The following PRUNE2 variants were observed in gnomAD, a reference collection of about 807,000 sequenced individuals.
The protein encoded by PRUNE2 is prune homolog 2 with BCH domain.
Under a neutral mutation model 252.0 loss-of-function variants are expected in PRUNE2, and 164 were observed. The observed-to-expected ratio is 0.65, with a 90% CI of 0.57 to 0.74. The LOEUF (loss-of-function observed/expected upper bound fraction) is 0.74. PRUNE2 is among the 30% of genes least tolerant of loss of function. PRUNE2 has a pLI of 0.00. For missense variants in PRUNE2, 3,495 were observed against 3,711.0 expected (o/e 0.94, Z 1.51); for synonymous variants, 1,292 against 1,350.2 (o/e 0.96, Z 0.94).
chr9:76,620,853 T>C (rs1381057073), intron 17 of PRUNE2, among the ~76,000 whole-genome samples: 5 of 152,210 alleles, frequency 3.3e-5, no homozygotes, highest in African/African-American at 1.2e-4. Context: ...AAACAGCAAT[T>C]TGCAAACCCT....
intron 6 of PRUNE2, among the ~76,000 whole-genome samples, chr9:76,814,478 C>A (rs943855994): frequency 8.5e-5 from 13 of 152,156 alleles, no homozygotes; most frequent in African/African-American, 3.1e-4. Context: ...GAGCAAGAAC[C>A]CCTCAGCCAA....
chr9:76,790,418 G>C (rs188266488), intron 6 of PRUNE2, among the ~76,000 whole-genome samples: 21 of 152,276 alleles, frequency 1.4e-4, no homozygotes, highest in African/African-American at 4.6e-4. Flanking sequence ...TAAAACATAA[G>C]AACATATAAT....
chr9:76,616,535 C>T (rs1829783739), intron 18 of PRUNE2, among the ~76,000 whole-genome samples: 1 of 152,166 alleles, frequency 6.6e-6, no homozygotes, highest in Admixed American at 6.5e-5. Flanking sequence ...CACCATCGGG[C>T]CCCTGAGCTA....
chr9:76,753,810 C>T (rs1259691861), intron 6 of PRUNE2, among the ~76,000 whole-genome samples: 1 of 151,592 alleles, frequency 6.6e-6, no homozygotes, highest in Non-Finnish European at 1.5e-5. Context: ...CCCAGCTACT[C>T]GGGAGGCTGA....
At chr9:76,714,729 A>G (rs2047004435) in intron 6 of PRUNE2, among the ~76,000 whole-genome samples, 1 of 152,226 alleles carries the variant, frequency 6.6e-6, no homozygotes, top group African/African-American at 2.4e-5. Flanking sequence ...AATGAGAGCC[A>G]CTTTCTCTGT....
intron 1 of PRUNE2, among the ~76,000 whole-genome samples, chr9:76,882,330 A>G (rs1055244452): frequency 6.6e-6 from 1 of 152,348 alleles, no homozygotes; most frequent in African/African-American, 2.4e-5. Context: ...CCAAGCATGT[A>G]AAGTGCTTAG....
chr9:76,728,455 T>C (rs552413587), intron 6 of PRUNE2, among the ~76,000 whole-genome samples: 46 of 152,316 alleles, frequency 3.0e-4, no homozygotes, highest in African/African-American at 9.6e-4. Flanking sequence ...AGGAGGTACA[T>C]TGATTAATGT....
At chr9:76,886,506 C>G (rs1324975264) in intron 1 of PRUNE2, among the ~76,000 whole-genome samples, 1 of 152,222 alleles carries the variant, frequency 6.6e-6, no homozygotes, top group Non-Finnish European at 1.5e-5. Flanking sequence ...TCTACCAGGA[C>G]TTGTCCCTTG....
At chr9:76,866,957 G>A (rs2060880520) in intron 1 of PRUNE2, among the ~76,000 whole-genome samples, 1 of 152,194 alleles carries the variant, frequency 6.6e-6, no homozygotes, top group Non-Finnish European at 1.5e-5. Flanking sequence ...AACGGGTCAT[G>A]TCTTCGGTTT....
At chr9:76,670,196 A>G (rs1210377092) in intron 9 of PRUNE2, among the ~76,000 whole-genome samples, 2 of 152,096 alleles carry the variant, frequency 1.3e-5, no homozygotes, top group African/African-American at 4.8e-5. Flanking sequence ...GGGTGCGCGC[A>G]CCGTGCGCGA....
At chr9:76,897,259 G>T (rs2062875435) in intron 1 of PRUNE2, among the ~76,000 whole-genome samples, 1 of 152,076 alleles carries the variant, frequency 6.6e-6, no homozygotes, top group East Asian at 1.9e-4. Flanking sequence ...TAACAAGAAT[G>T]AAATGTTCCA....
Position 76,669,205 on chromosome 9 carries a change from C to A in PRUNE2, c.8277-13703G>T, listed in dbSNP as rs114947680. On this transcript the variant is annotated intron_variant, in intron 9 of 18. Transcript: ENST00000376718. ...ACTACTGTCCATGGGGTCACTGCAC[C>A]CACAGAACACCTATACCACCTTGTC... 3.8e-3 allele frequency among the ~76,000 whole-genome samples: 584 copies of A among 152,134 alleles called. 5 individuals carry two copies. The highest frequency in any genetic ancestry group is 0.014 in the African/African-American group (562 of 41,506).
intron 9 of PRUNE2, among the ~76,000 whole-genome samples, chr9:76,682,243 C>T (rs971150989): frequency 1.3e-5 from 2 of 151,414 alleles, no homozygotes; most frequent in Non-Finnish European, 2.9e-5. Flanking sequence ...ATTATAAAAA[C>T]ATAGTTTACT....
At chr9:76,685,104 A>G (rs1042061550) in intron 9 of PRUNE2, among the ~76,000 whole-genome samples, 1 of 152,232 alleles carries the variant, frequency 6.6e-6, no homozygotes, top group Non-Finnish European at 1.5e-5. Flanking sequence ...GACTTCTCTT[A>G]AGACTCAGCT....
chr9:76,786,658 T>C (rs1241322093), intron 6 of PRUNE2: 1 of 152,294 alleles, frequency 6.6e-6, no homozygotes, highest in Non-Finnish European at 1.5e-5. Context: ...AAGTCTTTTC[T>C]TCCATCCCCA....
At chr9:76,731,792 C>T (rs1035236173) in intron 6 of PRUNE2, among the ~76,000 whole-genome samples, 8 of 152,134 alleles carry the variant, frequency 5.3e-5, no homozygotes, top group Non-Finnish European at 1.0e-4. Context: ...TGAGCTTTGT[C>T]TGCATTATTT....
chr9:76,797,789 T>C (rs151138589), intron 6 of PRUNE2, among the ~76,000 whole-genome samples: 77 of 149,158 alleles, frequency 5.2e-4, no homozygotes, highest in African/African-American at 1.6e-3. Flanking sequence ...GGGGAAGGGG[T>C]TGATGTATCC....
intron 6 of PRUNE2, among the ~76,000 whole-genome samples, chr9:76,714,184 G>A (rs1240757572): frequency 6.6e-6 from 1 of 151,046 alleles, no homozygotes; most frequent in Non-Finnish European, 1.5e-5. Context: ...AATCAACATA[G>A]CTGAGTTTAC....
At chr9:76,743,653 TTGACATA>T (rs2049852687) in intron 6 of PRUNE2, among the ~76,000 whole-genome samples, 1 of 152,242 alleles carries the variant, frequency 6.6e-6, no homozygotes, top group South Asian at 2.1e-4. Context: ...TTGATCTTAT[TTGACATA>T]CTGTTAATAG....
Sources: gnomAD v4.1 joint callset for allele counts (sites outside exome capture counted in the v4.1 genomes callset) on GRCh38, gnomAD v4.1.1 for gene constraint, MANE v1.5 for transcripts, NCBI Gene and HGNC (gene_info 2026-07-23, HGNC 2026-07-21) for gene names.